ENDOV: variants seen among roughly 807,000 people sequenced by gnomAD.
ENDOV encodes hEndoV.
Under a neutral mutation model 39.4 loss-of-function variants are expected in ENDOV, and 37 were observed. The ratio of observed to expected loss-of-function variants is 0.94; its 90% CI spans 0.72 to 1.23. The LOEUF (loss-of-function observed/expected upper bound fraction) is 1.23, where lower values mean the gene tolerates loss of function less well. Among genes scored for constraint, ENDOV ranks in the 50% most tolerant of loss-of-function variants. The probability of loss-of-function intolerance (pLI) is 0.00; values close to 1 mark genes in which losing one functional copy is unlikely to be tolerated. For synonymous variants in ENDOV, 186 were observed against 163.4 expected (o/e 1.14, Z -1.05); for missense variants, 441 against 375.7 (o/e 1.17, Z -1.44).
At position 80,423,631 on chromosome 17, in the gene ENDOV, A is replaced by T; in HGVS notation, c.515A>T (p.Lys172Met). ...GAGAACAACGCCCTGCACAAGGAGA[A>T]GGTGAGGAGGGGCCTGCTGCAGGCC... ...GLENNALHKE[K>M]IRLLQTRGDS... Residue 172 changes from lysine to methionine, a missense_variant and splice_region_variant, in exon 5 of 10, where the codon AAG (lysine) becomes ATG (methionine). By Grantham distance (95) the Lys-to-Met change is moderately conservative. Coordinates refer to ENST00000518137, the MANE Select transcript of ENDOV (RefSeq NM_173627.5). 1.3e-6 allele frequency: 2 copies of T among 1,550,290 alleles called. No homozygotes were observed. The highest frequency in any genetic ancestry group is 1.7e-6 in the Non-Finnish European group (2 of 1,147,530).
At position 80,426,864 on chromosome 17, in the gene ENDOV, C is replaced by T. The variant is rs41300762; in HGVS notation, c.714+1244C>T. On this transcript the variant is annotated intron_variant, in intron 7 of 9. Transcript: ENST00000518137. ...CTGTGCGTGCTGTGGAGGCTGTGGA[C>T]GCAGGTCTGCACAAGCCATGCTGCT... Among the ~76,000 whole-genome samples, 16 of 152,334 alleles carry T rather than the reference C, an allele frequency of 1.1e-4. 1 individual carries two copies. In the East Asian group the frequency reaches 2.9e-3, roughly 28 times the overall value.
At chr17:80,427,740 T>A in intron 7 of ENDOV, 1 of 1,289,282 alleles carries the variant, frequency 7.8e-7, no homozygotes, top group Non-Finnish European at 1.0e-6. Context: ...GCTCTCTCCC[T>A]GGCTCCGCGC....
Position 80,437,512 on chromosome 17 carries a change from TGA to T in ENDOV, c.*1373_*1374del, listed in dbSNP as rs1034561208. 2.6e-5 allele frequency: 4 copies of T among 152,178 alleles called. No homozygotes were observed. The highest frequency in any genetic ancestry group is 9.7e-5 in the African/African-American group (4 of 41,258). The allele number at this position is 152,178 out of a possible 1,614,324, so 9.4% of individuals were successfully genotyped here. A position where few individuals can be genotyped will look rare whatever the true frequency, so the allele number is the denominator to read the frequency against. On this transcript the variant is annotated 3_prime_UTR_variant, in exon 10 of 10. Transcript: ENST00000518137. ...TGTGGGGCTCCGAACCCTAAATGGG[TGA>T]GAGTTGAAATGAAAGCGGCACCTGT...
In ENDOV at chr17:80,415,756, T is replaced by A; in HGVS notation, c.163T>A (p.Phe55Ile). 1.9e-6 allele frequency: 3 copies of A among 1,606,234 alleles called. No homozygotes were observed. Among genetic ancestry groups the A allele is most frequent in the Non-Finnish European group, 2.5e-6 (3 of 1,176,584 alleles). The change falls in exon 2 of 10, where the codon TTC becomes ATC. Residue 55 changes from phenylalanine to isoleucine, a missense_variant. Physicochemically the swap from Phe to Ile is conservative, Grantham distance 21. Transcript: ENST00000518137. Reference protein sequence around the residue: ...LQRVGGVDVSFVKGDSVRACA... With the variant: ...LQRVGGVDVSIVKGDSVRACA... Reference sequence around the variant, plus strand: ...GAGGGTCGGGGGCGTTGACGTGTCCTTCGTGAAAGGGGACAGTGTCCGCGC... The same window carrying A: ...GAGGGTCGGGGGCGTTGACGTGTCCATCGTGAAAGGGGACAGTGTCCGCGC...
chr17:80,429,952 AGGCCACC>A (rs2083202313), intron 9 of ENDOV, 121 bp downstream of exon 9: 1 of 1,573,794 alleles, frequency 6.4e-7, no homozygotes, highest in East Asian at 2.3e-5. Context: ...GAAGACAAGA[AGGCCACC>A]GGCCACCCCG....
chr17:80,432,069 C>G (rs1160738356), intron 9 of ENDOV, among the ~76,000 whole-genome samples: 1 of 152,138 alleles, frequency 6.6e-6, no homozygotes, highest in Non-Finnish European at 1.5e-5. Flanking sequence ...ATGTGCCTGT[C>G]TGGTGGGCGC....
At chr17:80,416,813 A>G (rs576622679) in intron 2 of ENDOV, 170 of 151,300 alleles carry the variant, frequency 1.1e-3, no homozygotes, top group Non-Finnish European at 1.7e-3. Flanking sequence ...GCAGTGGCAT[A>G]ATCTTGGCTC....
At chr17:80,432,163 C>T (rs767392880) in intron 9 of ENDOV, among the ~76,000 whole-genome samples, 12 of 152,196 alleles carry the variant, frequency 7.9e-5, no homozygotes, top group Admixed American at 1.3e-4. Flanking sequence ...GTTTCCTCAC[C>T]GGGAACATGA....
chr17:80,434,641 G>A (rs892950200), intron 9 of ENDOV, among the ~76,000 whole-genome samples: 1 of 152,138 alleles, frequency 6.6e-6, no homozygotes, highest in African/African-American at 2.4e-5. Flanking sequence ...CCATTCCTTG[G>A]AGTAGAAACT....
Position 80,415,708 on chromosome 17 carries a change from G to A in ENDOV, c.115G>A (p.Asp39Asn). ...CCGGGACACCGAGGCGTGGCAGCGAGACCCCGCCTTCTCGGGTCTGCAGAG... is the reference window on the plus strand; with the variant it reads ...CCGGGACACCGAGGCGTGGCAGCGAAACCCCGCCTTCTCGGGTCTGCAGAG... ...VDRDTEAWQR[D>N]PAFSGLQRVG... Residue 39 changes from aspartate to asparagine, a missense_variant, in exon 2 of 10, where the codon GAC becomes AAC. Asp to Asn is a conservative substitution (Grantham distance 23). Transcript: ENST00000518137. 3 of 1,611,214 alleles carry A rather than the reference G, an allele frequency of 1.9e-6. No individual in the cohort carries two copies. The highest frequency in any genetic ancestry group is 1.1e-5 in the South Asian group (1 of 90,428).
chr17:80,415,307 G>GGAC, intron 1 of ENDOV, 57 bp downstream of exon 1: 1 of 1,587,920 alleles, frequency 6.3e-7, no homozygotes, highest in East Asian at 2.2e-5. Context: ...GGCCCTTCGC[G>GGAC]GACCCTCCGA....
chr17:80,426,481 C>CA (rs916135794), intron 7 of ENDOV, among the ~76,000 whole-genome samples: 7 of 151,424 alleles, frequency 4.6e-5, no homozygotes, highest in Admixed American at 6.6e-5. Flanking sequence ...CCCGTCTCTA[C>CA]AAAAAAAACG....
chr17:80,415,449 G>T, intron 1 of ENDOV, 199 bp downstream of exon 1: 1 of 988,154 alleles, frequency 1.0e-6, no homozygotes, highest in Non-Finnish European at 1.5e-6. Context: ...TCTCGCTTCC[G>T]GCCAGTTTGT....
intron 2 of ENDOV, among the ~76,000 whole-genome samples, chr17:80,421,138 C>T (rs1486255852): frequency 2.0e-5 from 3 of 150,556 alleles, no homozygotes; most frequent in Admixed American, 2.0e-4. Flanking sequence ...TCCTGGGGGG[C>T]TCCCGCGGAC....
At chr17:80,427,909 G>A (rs754542788) in intron 7 of ENDOV, 52 of 1,214,086 alleles carry the variant, frequency 4.3e-5, no homozygotes, top group Non-Finnish European at 5.4e-5. Flanking sequence ...GGAAGCAGGA[G>A]CAGGCTGGGG....
intron 5 of ENDOV, chr17:80,424,242 T>G (rs1350919868): frequency 1.5e-5 from 6 of 399,118 alleles, no homozygotes; most frequent in Admixed American, 8.8e-5. Context: ...AGCTCTCAGG[T>G]GCCTGCATGG....
chr17:80,420,518 A>G (rs180820088), intron 2 of ENDOV: 52 of 152,372 alleles, frequency 3.4e-4, no homozygotes, highest in Admixed American at 3.4e-3. Flanking sequence ...GTGCTAATAC[A>G]GAGCACTCCG....
chr17:80,436,043 C>T, intron 9 of ENDOV, 90 bp from the exon 10 acceptor site: 2 of 1,451,772 alleles, frequency 1.4e-6, no homozygotes, highest in Non-Finnish European at 1.9e-6. Context: ...GCGCGAGCCA[C>T]TGCACCTGGC....
rs2083302287 is a variant in ENDOV at position 80,431,071 on chromosome 17, C to T, written c.838+1240C>T. Among the ~76,000 whole-genome samples the T allele has an allele frequency of 2.6e-5, 4 of 152,354 alleles. No individual in the cohort carries two copies. In the Middle Eastern group the frequency reaches 0.014, roughly 522 times the overall value. ...TCTGCCACAGAGCATGAAGAAGTCC[C>T]TGGAATCCTTTCTTGCCATTCACCT... On this transcript the variant is annotated intron_variant, in intron 9 of 9. Coordinates refer to ENST00000518137, the MANE Select transcript of ENDOV (RefSeq NM_173627.5).
Sources: gnomAD v4.1 joint callset for allele counts (sites outside exome capture counted in the v4.1 genomes callset) on GRCh38, gnomAD v4.1.1 for gene constraint, MANE v1.5 for transcripts, NCBI Gene and HGNC (gene_info 2026-07-23, HGNC 2026-07-21) for gene names.